Variants in JMJD1C observed in about 807,000 individuals in gnomAD.
JMJD1C encodes the protein jumonji domain-containing protein 1C.
JMJD1C carries 31 observed loss-of-function variants against 245.3 expected under a neutral mutation model. That is an observed-to-expected ratio of 0.13 (90% confidence interval 0.09 to 0.17). JMJD1C has a LOEUF of 0.17. Among genes scored for constraint, JMJD1C ranks in the 10% least tolerant of loss-of-function variants. JMJD1C has a pLI of 1.00. For synonymous variants in JMJD1C, 1,057 were observed against 1,017.4 expected (o/e 1.04, Z -0.74); for missense variants, 2,691 against 3,000.2 (o/e 0.90, Z 2.41).
At chr10:63,391,755 A>T (rs1948078744) in intron 1 of JMJD1C, among the ~76,000 whole-genome samples, 1 of 152,200 alleles carries the variant, frequency 6.6e-6, no homozygotes, top group Admixed American at 6.5e-5. Flanking sequence ...ATCCTTATCA[A>T]AATACCAACA....
intron 1 of JMJD1C, among the ~76,000 whole-genome samples, chr10:63,407,536 A>G (rs1370123207): frequency 2.0e-5 from 3 of 152,178 alleles, no homozygotes; most frequent in Non-Finnish European, 4.4e-5. Flanking sequence ...GACATCCAAC[A>G]AAGTCCACCC....
chr10:63,428,813 C>G (rs1309322698), intron 1 of JMJD1C, among the ~76,000 whole-genome samples: 13 of 152,012 alleles, frequency 8.6e-5, no homozygotes, highest in African/African-American at 2.2e-4. Flanking sequence ...CTGAAATACC[C>G]ATACTATTAT....
At chr10:63,344,319 A>G (rs989316153) in intron 2 of JMJD1C, among the ~76,000 whole-genome samples, 5 of 152,320 alleles carry the variant, frequency 3.3e-5, no homozygotes, top group Admixed American at 6.5e-5. Flanking sequence ...CAGTACAGTA[A>G]CATGCTACAC....
At position 63,206,914 on chromosome 10, in the gene JMJD1C, G is replaced by C. The variant is rs1564604128; in HGVS notation, c.4755C>G (p.Asn1585Lys). Residue 1585 changes from asparagine to lysine, a missense_variant, in exon 10 of 26, where the codon AAC becomes AAG. Around this residue, in one of 9 missense-constraint regions of JMJD1C, gnomAD observed 144 missense variants for 143.3 expected, o/e 1.00. Coordinates refer to ENST00000399262, the MANE Select transcript of JMJD1C (RefSeq NM_032776.3). ...TATCACTAGATGTAGAGGCTATTAA[G>C]TTGACAGAACATGGCTTAATAATTT... ...VSEIIKPCSVNLIASTSSDIQ... is the reference protein window; with the variant it reads ...VSEIIKPCSVKLIASTSSDIQ... The C allele has an allele frequency of 1.9e-6, 3 of 1,611,328 alleles. No homozygotes were observed. The highest frequency in any genetic ancestry group is 2.5e-6 in the Non-Finnish European group (3 of 1,178,300).
intron 3 of JMJD1C, among the ~76,000 whole-genome samples, chr10:63,260,498 T>C (rs1409061611): frequency 6.6e-6 from 1 of 152,186 alleles, no homozygotes; most frequent in Non-Finnish European, 1.5e-5. Context: ...ATCAAAACTG[T>C]TATCAAAATT....
chr10:63,521,017 T>C (rs748315512), intron 1 of JMJD1C, among the ~76,000 whole-genome samples: 6 of 152,204 alleles, frequency 3.9e-5, no homozygotes, highest in African/African-American at 9.6e-5. Flanking sequence ...GAGAGTTTTA[T>C]TGGACACCGA....
chr10:63,439,017 G>A lies in JMJD1C; in HGVS notation c.168+26478C>T, dbSNP rs147778218. On this transcript the variant is annotated intron_variant, in intron 1 of 25. Transcript: ENST00000399262. ...TTCCTTTCACAACTTTATTCCCAGT[G>A]CCTGATATGTACAAGGCATGCAATA... Among the ~76,000 whole-genome samples, 37 of 152,190 alleles carry A rather than the reference G, an allele frequency of 2.4e-4. No individual in the cohort carries two copies. The East Asian group carries it at 5.8e-3, about 24-fold the overall frequency.
intron 3 of JMJD1C, among the ~76,000 whole-genome samples, chr10:63,232,766 A>G (rs1850176720): frequency 6.6e-6 from 1 of 152,192 alleles, no homozygotes; most frequent in Non-Finnish European, 1.5e-5. Flanking sequence ...AGATTTTAAC[A>G]TTTTATGTAC....
chr10:63,274,994 G>A (rs34662842), intron 2 of JMJD1C, among the ~76,000 whole-genome samples: 4,596 of 152,022 alleles, frequency 0.03, 95 homozygotes, highest in Non-Finnish European at 0.048. Flanking sequence ...CAGGGAGTAG[G>A]AGACCAGCCT....
At chr10:63,450,511 C>T (rs1019176241) in intron 1 of JMJD1C, among the ~76,000 whole-genome samples, 1 of 151,760 alleles carries the variant, frequency 6.6e-6, no homozygotes, top group Non-Finnish European at 1.5e-5. Context: ...TGCTGGAATG[C>T]GAGGATGGTT....
chr10:63,447,873 A>C (rs1951806847), intron 1 of JMJD1C, among the ~76,000 whole-genome samples: 1 of 152,040 alleles, frequency 6.6e-6, no homozygotes, highest in African/African-American at 2.4e-5. Flanking sequence ...CAGGAGGCAA[A>C]GGTTGCAGTG....
At chr10:63,261,245 T>C (rs918114537) in intron 3 of JMJD1C, among the ~76,000 whole-genome samples, 2 of 152,140 alleles carry the variant, frequency 1.3e-5, no homozygotes, top group Non-Finnish European at 2.9e-5. Context: ...CTATAATATA[T>C]AATGATTGCA....
intron 12 of JMJD1C, among the ~76,000 whole-genome samples, chr10:63,198,042 AC>A (rs1845644467): frequency 6.6e-6 from 1 of 152,264 alleles, no homozygotes. Flanking sequence ...TATGTTAGGA[AC>A]TATTAAGTAC....
At position 63,252,403 on chromosome 10, in the gene JMJD1C, A is replaced by G. The variant is rs1258780625; in HGVS notation, c.447+12248T>C. Among the ~76,000 whole-genome samples the G allele has an allele frequency of 2.0e-5, 3 of 152,198 alleles. No homozygotes were observed. In the East Asian group the frequency reaches 5.8e-4, roughly 29 times the overall value. ...CTAACACATGGATAGGTTTAATCCA[A>G]TCAGTTGAAGGCCTTAAGAAAAAAG... is the stretch of plus-strand genomic sequence containing the variant. On this transcript the variant is annotated intron_variant, in intron 3 of 25. Coordinates refer to ENST00000399262, the MANE Select transcript of JMJD1C (RefSeq NM_032776.3).
chr10:63,463,354 A>T (rs1348524126), intron 1 of JMJD1C, among the ~76,000 whole-genome samples: 1 of 152,032 alleles, frequency 6.6e-6, no homozygotes, highest in Non-Finnish European at 1.5e-5. Flanking sequence ...TTTTGTAGGG[A>T]CAGGGTTTCG....
chr10:63,414,639 A>C (rs1057499554), intron 1 of JMJD1C, among the ~76,000 whole-genome samples: 12 of 152,046 alleles, frequency 7.9e-5, no homozygotes, highest in African/African-American at 2.9e-4. Context: ...TGTAATCCCA[A>C]CACTTTGGGA....
chr10:63,500,723 C>CGATGGATGGATGGATG (rs1208128279), intron 1 of JMJD1C, among the ~76,000 whole-genome samples: 1 of 120,126 alleles, frequency 8.3e-6, no homozygotes, highest in Non-Finnish European at 1.8e-5. Context: ...AAGACTGTCT[C>CGATGGATGGATGGATG]GATGGATGGA....
At chr10:63,328,533 G>A (rs887430582) in intron 2 of JMJD1C, among the ~76,000 whole-genome samples, 2 of 152,130 alleles carry the variant, frequency 1.3e-5, no homozygotes, top group Non-Finnish European at 2.9e-5. Context: ...TTACTGGTGA[G>A]CACTTTATCA....
chr10:63,511,751 G>A (rs1476000816), intron 1 of JMJD1C, among the ~76,000 whole-genome samples: 1 of 152,072 alleles, frequency 6.6e-6, no homozygotes, highest in Non-Finnish European at 1.5e-5. Context: ...TTTGTGGGAT[G>A]TGAAAACTAC....
Sources: gnomAD v4.1 joint callset for allele counts (sites outside exome capture counted in the v4.1 genomes callset) on GRCh38, gnomAD v4.1.1 for gene constraint, gnomAD v4.1.1 regional missense constraint, MANE v1.5 for transcripts, NCBI Gene and HGNC (gene_info 2026-07-23, HGNC 2026-07-21) for gene names.